SPIDR: variants seen among roughly 807,000 people sequenced by gnomAD.
SPIDR encodes the protein DNA repair-scaffolding protein.
In SPIDR, 93 loss-of-function variants were observed where a neutral mutation model predicts 104.6. The observed-to-expected ratio is 0.89, with a 90% CI of 0.75 to 1.06. SPIDR has a LOEUF of 1.06. Among genes scored for constraint, SPIDR ranks in the 50% least tolerant of loss-of-function variants. The pLI, the probability that SPIDR is intolerant of heterozygous loss-of-function variation, is 0.00. For synonymous variants in SPIDR, 431 were observed against 416.9 expected (o/e 1.03, Z -0.41); for missense variants, 1,154 against 1,111.2 (o/e 1.04, Z -0.55).
At chr8:47,521,354 G>A (rs910299698) in intron 8 of SPIDR, among the ~76,000 whole-genome samples, 17 of 151,988 alleles carry the variant, frequency 1.1e-4, no homozygotes, top group African/African-American at 3.6e-4. Flanking sequence ...ATTATGGGAC[G>A]TGTGTGGCTA....
At chr8:47,588,296 T>C (rs1052897745) in intron 8 of SPIDR, among the ~76,000 whole-genome samples, 5 of 150,486 alleles carry the variant, frequency 3.3e-5, no homozygotes, top group Non-Finnish European at 7.4e-5. Context: ...TTTTGTGAGA[T>C]TCACACTGAC....
intron 10 of SPIDR, among the ~76,000 whole-genome samples, chr8:47,635,973 A>G (rs1169669377): frequency 6.6e-6 from 1 of 152,218 alleles, no homozygotes; most frequent in African/African-American, 2.4e-5. Flanking sequence ...TGTGAATGCT[A>G]TACAGGCATG....
intron 5 of SPIDR, among the ~76,000 whole-genome samples, chr8:47,365,982 A>G (rs1554634245): frequency 6.6e-6 from 1 of 152,116 alleles, no homozygotes; most frequent in African/African-American, 2.4e-5. Flanking sequence ...ACAAGCACAC[A>G]CACACACACA....
chr8:47,386,309 G>T (rs1256035850), intron 5 of SPIDR, among the ~76,000 whole-genome samples: 1 of 151,752 alleles, frequency 6.6e-6, no homozygotes, highest in African/African-American at 2.4e-5. Context: ...TTCTTTTTTA[G>T]AATTTTCCTT....
chr8:47,289,114 C>T (rs953766855), intron 3 of SPIDR, among the ~76,000 whole-genome samples: 38 of 152,164 alleles, frequency 2.5e-4, no homozygotes, highest in Middle Eastern at 3.4e-3. Context: ...CTCTTAAACT[C>T]GTCCTCCTGC....
intron 10 of SPIDR, among the ~76,000 whole-genome samples, chr8:47,648,831 T>C (rs1404929246): frequency 1.3e-5 from 2 of 152,170 alleles, no homozygotes; most frequent in African/African-American, 4.8e-5. Flanking sequence ...GGGATAGTTA[T>C]AGATTATAAA....
At chr8:47,406,807 G>A (rs532140601) in intron 6 of SPIDR, among the ~76,000 whole-genome samples, 22 of 152,252 alleles carry the variant, frequency 1.4e-4, no homozygotes, top group African/African-American at 4.6e-4. Context: ...GGTTAGTTAC[G>A]TAATGCTGGA....
chr8:47,730,921 T>A (rs781351291), intron 19 of SPIDR, among the ~76,000 whole-genome samples: 3 of 152,170 alleles, frequency 2.0e-5, no homozygotes, highest in Non-Finnish European at 2.9e-5. Flanking sequence ...TCTTTGAGGA[T>A]CACAAGTGAC....
In SPIDR at chr8:47,700,452, C is replaced by A. The variant is rs778827754; in HGVS notation, c.1735C>A (p.Pro579Thr). ...LIDTLWPPAI[P>T]LKTPGRDQPC... is the part of the protein sequence containing the mutation. ...TGACACCCTGTGGCCCCCAGCGATA[C>A]CTCTGAAAACACCTGGCCGCGACCA... Residue 579 changes from proline to threonine, a missense_variant, in exon 12 of 20, where the codon CCT (proline) becomes ACT (threonine). Physicochemically the swap from Pro to Thr is conservative, Grantham distance 38. Coordinates refer to ENST00000297423, the MANE Select transcript of SPIDR (RefSeq NM_001080394.4). 3.7e-6 allele frequency: 6 copies of A among 1,614,096 alleles called. No homozygotes were observed. In the South Asian group the frequency reaches 5.5e-5, roughly 15 times the overall value.
intron 5 of SPIDR, among the ~76,000 whole-genome samples, chr8:47,363,419 A>C (rs112302477): frequency 6.7e-6 from 1 of 149,762 alleles, no homozygotes; most frequent in Non-Finnish European, 1.5e-5. Flanking sequence ...TGTTAGCCAG[A>C]ATGGTCTCGA....
chr8:47,593,588 G>A (rs896740973), intron 8 of SPIDR, among the ~76,000 whole-genome samples: 2 of 152,108 alleles, frequency 1.3e-5, no homozygotes, highest in African/African-American at 4.8e-5. Context: ...ATGGACATTT[G>A]GAGTATTATG....
chr8:47,462,900 GA>G (rs1234613229), intron 8 of SPIDR, among the ~76,000 whole-genome samples: 4 of 152,188 alleles, frequency 2.6e-5, no homozygotes, highest in Admixed American at 2.6e-4. Context: ...TTACAGAAAT[GA>G]AAAGGATTAT....
At chr8:47,673,541 T>C (rs1219957878) in intron 10 of SPIDR, 1 of 550,606 alleles carries the variant, frequency 1.8e-6, no homozygotes, top group Non-Finnish European at 3.4e-6. Context: ...CTGTGGATGG[T>C]GGTTCAAACA....
intron 8 of SPIDR, among the ~76,000 whole-genome samples, chr8:47,505,999 A>G (rs2081420032): frequency 6.6e-6 from 1 of 152,110 alleles, no homozygotes. Context: ...TCATTTTCTG[A>G]ATCTTAAACT....
chr8:47,400,658 G>A (rs2061753341), intron 6 of SPIDR, among the ~76,000 whole-genome samples: 1 of 149,750 alleles, frequency 6.7e-6, no homozygotes, highest in Admixed American at 6.8e-5. Context: ...AGTCTCTTTG[G>A]ACTTCTTTTT....
chr8:47,701,409 G>A (rs540948258), intron 12 of SPIDR, among the ~76,000 whole-genome samples: 26 of 152,248 alleles, frequency 1.7e-4, no homozygotes, highest in African/African-American at 5.8e-4. Flanking sequence ...TCCAGCCAAC[G>A]AGAGTGCAAC....
chr8:47,683,830 A>G (rs1325295435), intron 11 of SPIDR, among the ~76,000 whole-genome samples: 1 of 152,174 alleles, frequency 6.6e-6, no homozygotes, highest in African/African-American at 2.4e-5. Flanking sequence ...ACAGTGTTCA[A>G]TAAAAACCCA....
intron 8 of SPIDR, among the ~76,000 whole-genome samples, chr8:47,471,600 G>A (rs1291493886): frequency 3.9e-5 from 6 of 152,070 alleles, no homozygotes; most frequent in African/African-American, 1.4e-4. Flanking sequence ...AAAACAGTTC[G>A]GGAAATGAAA....
At chr8:47,463,309 C>T (rs1291002718) in intron 8 of SPIDR, among the ~76,000 whole-genome samples, 1 of 149,526 alleles carries the variant, frequency 6.7e-6, no homozygotes, top group South Asian at 2.1e-4. Context: ...TGCAGTGAGC[C>T]GAGATCACAC....
Sources: allele counts gnomAD v4.1 joint callset (sites outside exome capture counted in the v4.1 genomes callset), GRCh38; gene constraint gnomAD v4.1.1; transcripts MANE v1.5; gene names NCBI Gene and HGNC (gene_info 2026-07-23, HGNC 2026-07-21).